Variants in OPCML observed in about 807,000 individuals in gnomAD.
OPCML encodes opioid-binding protein/cell adhesion molecule.
OPCML carries 13 observed loss-of-function variants against 37.8 expected under a neutral mutation model. The ratio of observed to expected loss-of-function variants is 0.34; its 90% CI spans 0.22 to 0.55. OPCML has a LOEUF of 0.55. OPCML is among the 20% of genes least tolerant of loss of function. OPCML has a pLI of 0.91. For missense variants in OPCML, 341 were observed against 435.6 expected (o/e 0.78, Z 1.93); for synonymous variants, 176 against 168.8 (o/e 1.04, Z -0.33).
intron 1 of OPCML, among the ~76,000 whole-genome samples, chr11:132,959,378 T>G (rs113427170): frequency 7.4e-4 from 113 of 152,354 alleles, no homozygotes; most frequent in African/African-American, 2.5e-3. Flanking sequence ...GAAGATGCTG[T>G]GAACATTGTT....
At chr11:133,070,733 T>G (rs895528569) in intron 1 of OPCML, among the ~76,000 whole-genome samples, 1 of 152,186 alleles carries the variant, frequency 6.6e-6, no homozygotes, top group Admixed American at 6.5e-5. Context: ...ATTGCCTGGG[T>G]TCATACTGGC....
chr11:133,525,097 A>T (rs1948464979), intron 1 of OPCML, among the ~76,000 whole-genome samples: 1 of 152,260 alleles, frequency 6.6e-6, no homozygotes, highest in Non-Finnish European at 1.5e-5. Context: ...AAAGAGAGAC[A>T]TAAAACCAAG....
intron 2 of OPCML, among the ~76,000 whole-genome samples, chr11:132,921,337 C>T (rs896796673): frequency 1.3e-5 from 2 of 151,478 alleles, no homozygotes; most frequent in Non-Finnish European, 2.9e-5. Flanking sequence ...CTTTATTGCA[C>T]GTGTGTTAAA....
At chr11:132,437,187 T>G in intron 5 of OPCML, 35 bp downstream of exon 5, 1 of 1,605,152 alleles carries the variant, frequency 6.2e-7, no homozygotes, top group East Asian at 2.2e-5. Flanking sequence ...TGTGCCGTCT[T>G]TTCCCCAGAA....
intron 1 of OPCML, among the ~76,000 whole-genome samples, chr11:133,245,710 A>G (rs1004678157): frequency 5.3e-5 from 8 of 152,204 alleles, no homozygotes; most frequent in African/African-American, 1.9e-4. Context: ...AAGACTTCGA[A>G]CCAACCCAAA....
chr11:133,141,789 A>G (rs1949827523), intron 1 of OPCML, among the ~76,000 whole-genome samples: 1 of 152,164 alleles, frequency 6.6e-6, no homozygotes, highest in East Asian at 1.9e-4. Context: ...TAACAATACT[A>G]TTTAACCATC....
intron 1 of OPCML, among the ~76,000 whole-genome samples, chr11:133,125,399 C>T (rs475353): frequency 0.45 from 68,901 of 151,626 alleles, 17,178 homozygotes; most frequent in East Asian, 0.66. Context: ...CATTCTAGCA[C>T]TTACTGCATC....
intron 1 of OPCML, among the ~76,000 whole-genome samples, chr11:132,967,436 A>T (rs945065068): frequency 6.6e-6 from 1 of 152,126 alleles, no homozygotes; most frequent in Admixed American, 6.5e-5. Flanking sequence ...ACAAGTATCT[A>T]TTTATAGAGT....
At chr11:133,225,622 T>C (rs932591452) in intron 1 of OPCML, among the ~76,000 whole-genome samples, 46 of 152,306 alleles carry the variant, frequency 3.0e-4, no homozygotes, top group African/African-American at 1.1e-3. Flanking sequence ...CTAGAGATCA[T>C]CTAGTTCTGT....
intron 1 of OPCML, among the ~76,000 whole-genome samples, chr11:133,443,582 A>G (rs1330845581): frequency 6.6e-6 from 1 of 152,256 alleles, no homozygotes; most frequent in Non-Finnish European, 1.5e-5. Context: ...ATTGTACATT[A>G]GTAACCAGGT....
At chr11:133,317,429 C>T (rs373705861) in intron 1 of OPCML, among the ~76,000 whole-genome samples, 1 of 152,250 alleles carries the variant, frequency 6.6e-6, no homozygotes, top group South Asian at 2.1e-4. Flanking sequence ...GCACAAACTT[C>T]GACTTATTTT....
chr11:133,043,271 G>A (rs923227010), intron 1 of OPCML, among the ~76,000 whole-genome samples: 3 of 152,152 alleles, frequency 2.0e-5, no homozygotes, highest in African/African-American at 7.2e-5. Context: ...ATCCTATTTT[G>A]ACTTGAAACT....
intron 2 of OPCML, among the ~76,000 whole-genome samples, chr11:132,721,456 G>A (rs1030945286): frequency 2.0e-5 from 3 of 152,204 alleles, no homozygotes; most frequent in African/African-American, 7.2e-5. Context: ...CAAGGCATGT[G>A]AGGACAGGTG....
At chr11:132,743,558 C>G (rs755846633) in intron 2 of OPCML, among the ~76,000 whole-genome samples, 2 of 152,062 alleles carry the variant, frequency 1.3e-5, no homozygotes, top group African/African-American at 4.8e-5. Context: ...AAATACTTTT[C>G]AAAAAGAAAT....
chr11:133,380,150 A>T (rs1944901078), intron 1 of OPCML, among the ~76,000 whole-genome samples: 1 of 152,184 alleles, frequency 6.6e-6, no homozygotes, highest in Admixed American at 6.5e-5. Context: ...ACTGGCCAGA[A>T]TACAAGCAGG....
At chr11:133,375,259 A>G (rs952645579) in intron 1 of OPCML, among the ~76,000 whole-genome samples, 34 of 152,342 alleles carry the variant, frequency 2.2e-4, no homozygotes, top group Middle Eastern at 6.8e-3. Context: ...AGTTTGTATG[A>G]TTGTTACATA....
chr11:132,986,899 A>C (rs1417847895), intron 1 of OPCML, among the ~76,000 whole-genome samples: 1 of 152,198 alleles, frequency 6.6e-6, no homozygotes, highest in Non-Finnish European at 1.5e-5. Flanking sequence ...ATGAGTCTTG[A>C]AAAAGTTGAA....
chr11:133,289,563 C>G (rs1434873024), intron 1 of OPCML, among the ~76,000 whole-genome samples: 2 of 144,762 alleles, frequency 1.4e-5, no homozygotes, highest in Middle Eastern at 3.2e-3. Context: ...CCACTGCACT[C>G]CAGCCTGGGC....
At chr11:132,955,749 G>T (rs1021758937) in intron 1 of OPCML, among the ~76,000 whole-genome samples, 1 of 152,042 alleles carries the variant, frequency 6.6e-6, no homozygotes, top group East Asian at 1.9e-4. Context: ...GGGAATGGTG[G>T]TGTGTGCCTG....
Sources: gnomAD v4.1 joint callset for allele counts (sites outside exome capture counted in the v4.1 genomes callset) on GRCh38, gnomAD v4.1.1 for gene constraint, MANE v1.5 for transcripts, NCBI Gene and HGNC (gene_info 2026-07-23, HGNC 2026-07-21) for gene names.